Variants in MORN1 observed in about 807,000 individuals in gnomAD.
MORN1 encodes MORN repeat-containing protein 1.
A neutral mutation model predicts 61.9 loss-of-function variants in MORN1; 67 were observed. That is an observed-to-expected ratio of 1.08 (90% CI 0.89 to 1.33). The LOEUF (loss-of-function observed/expected upper bound fraction) is 1.33. Ranked by LOEUF, MORN1 falls within the 40% of genes most tolerant of loss-of-function variation. The probability of loss-of-function intolerance (pLI) is 0.00; values close to 1 mark genes in which losing one functional copy is unlikely to be tolerated. For missense variants in MORN1, 752 were observed against 691.2 expected (o/e 1.09, Z -0.99); for synonymous variants, 301 against 292.0 (o/e 1.03, Z -0.31).
At chr1:2,379,049 G>A (rs940515138) in intron 6 of MORN1, 1 of 471,086 alleles carries the variant, frequency 2.1e-6, no homozygotes, top group South Asian at 1.5e-5. Flanking sequence ...GTTCTTCATA[G>A]AGCTTTGCAT....
At chr1:2,390,460 C>T (rs963754621) in intron 1 of MORN1, 2 of 985,320 alleles carry the variant, frequency 2.0e-6, no homozygotes, top group African/African-American at 3.5e-5. Context: ...AATCCACACT[C>T]ATACCCAAGG....
Position 2,372,557 on chromosome 1 carries a change from C to T in MORN1, c.669G>A (p.Glu223=), listed in dbSNP as rs868257234. The change falls in exon 8 of 14, where the codon GAG becomes GAA. Residue 223 remains glutamate (E), a synonymous_variant. Coordinates refer to ENST00000378531, the MANE Select transcript of MORN1 (RefSeq NM_024848.3). This position sits in a 1 kb window ranked among gnomAD's most constrained non-coding sequence, Gnocchi z 5.4. ...QATRIVILGP[E]VMEVAQGSPF... ...GAGACCCTTGGGCCACTTCCATCAC[C>T]TCCGGACCCAAGATCACGATCCTCG... 1.2e-6 allele frequency: 2 copies of T among 1,613,802 alleles called. No individual in the cohort carries two copies. The highest frequency in any genetic ancestry group is 1.7e-6 in the Non-Finnish European group (2 of 1,179,948).
chr1:2,344,981 C>G (rs1641480154), intron 10 of MORN1, among the ~76,000 whole-genome samples: 1 of 152,152 alleles, frequency 6.6e-6, no homozygotes, highest in Admixed American at 6.5e-5. Flanking sequence ...GCCACACACA[C>G]CCTGAAAACG....
intron 6 of MORN1, among the ~76,000 whole-genome samples, chr1:2,382,432 C>G (rs1015807321): frequency 6.6e-6 from 1 of 152,192 alleles, no homozygotes; most frequent in African/African-American, 2.4e-5. Context: ...CGCCTGGCAC[C>G]CAGGAAGTGA....
chr1:2,364,886 T>C (rs1410821560), intron 8 of MORN1, among the ~76,000 whole-genome samples: 3 of 152,180 alleles, frequency 2.0e-5, no homozygotes, highest in Non-Finnish European at 2.9e-5. Flanking sequence ...CGCAGCGTTA[T>C]TTCTGAGGGC....
intron 6 of MORN1, among the ~76,000 whole-genome samples, chr1:2,380,967 G>A (rs1642358556): frequency 6.6e-6 from 1 of 152,230 alleles, no homozygotes; most frequent in Admixed American, 6.5e-5. Flanking sequence ...CCCGTCTCTG[G>A]CGGCTGCTGC....
intron 9 of MORN1, among the ~76,000 whole-genome samples, chr1:2,358,358 A>T (rs1191651146): frequency 6.6e-6 from 1 of 151,998 alleles, no homozygotes; most frequent in Non-Finnish European, 1.5e-5. Context: ...GCGCTGGGGG[A>T]GACTAGGGGC....
chr1:2,382,216 C>A (rs1301813571), intron 6 of MORN1, among the ~76,000 whole-genome samples: 3 of 152,208 alleles, frequency 2.0e-5, no homozygotes, highest in African/African-American at 7.2e-5. Flanking sequence ...GCAGGCGGCA[C>A]CTCTGTGTCC....
chr1:2,329,258 G>C (rs1329772877), intron 12 of MORN1, among the ~76,000 whole-genome samples: 4 of 152,216 alleles, frequency 2.6e-5, no homozygotes, highest in Admixed American at 2.0e-4. Flanking sequence ...AGGCCCAGCT[G>C]TTCCCGCCCG....
chr1:2,359,568 T>C (rs1641849031), intron 8 of MORN1, among the ~76,000 whole-genome samples: 1 of 152,142 alleles, frequency 6.6e-6, no homozygotes, highest in Non-Finnish European at 1.5e-5. Context: ...GCAAGATGGC[T>C]GTGCCGAGAG....
intron 10 of MORN1, chr1:2,351,689 C>T: frequency 2.3e-6 from 1 of 439,924 alleles, no homozygotes; most frequent in Non-Finnish European, 4.5e-6. Context: ...GTGCTGGTTG[C>T]TTCGCATTCT....
intron 9 of MORN1, among the ~76,000 whole-genome samples, chr1:2,358,106 G>C (rs1217141000): frequency 2.0e-5 from 3 of 152,194 alleles, no homozygotes; most frequent in African/African-American, 7.2e-5. Context: ...TCAGGCCTCT[G>C]TTTGCGTGTG....
chr1:2,332,479 T>C (rs1641178352), intron 12 of MORN1: 3 of 384,886 alleles, frequency 7.8e-6, no homozygotes, highest in Non-Finnish European at 1.0e-5. Context: ...CTTCTCCCAT[T>C]GTCCCCCTCG....
At chr1:2,389,003 T>C (rs952052936) in intron 2 of MORN1, among the ~76,000 whole-genome samples, 8 of 150,142 alleles carry the variant, frequency 5.3e-5, no homozygotes, top group Admixed American at 6.7e-5. Context: ...TCCCAGCTAC[T>C]CATGAGGCTG....
chr1:2,330,034 A>G (rs1000858755), intron 12 of MORN1, among the ~76,000 whole-genome samples: 4 of 152,086 alleles, frequency 2.6e-5, no homozygotes, highest in Non-Finnish European at 5.9e-5. Context: ...GGAACTGCCT[A>G]TTTGCCCATC....
chr1:2,325,157 CTCCCTTCCTTCCT>C (rs1640990356), intron 12 of MORN1, among the ~76,000 whole-genome samples: 4 of 81,528 alleles, frequency 4.9e-5, no homozygotes, highest in South Asian at 3.6e-4. Context: ...CCTTCCTTCC[CTCCCTTCCTTCCT>C]TTCCTTCCTT....
intron 12 of MORN1, among the ~76,000 whole-genome samples, chr1:2,330,768 C>T (rs565320629): frequency 7.0e-4 from 106 of 152,246 alleles, no homozygotes; most frequent in African/African-American, 2.5e-3. Flanking sequence ...GACCCCGTCC[C>T]GGGCTGATGG....
intron 12 of MORN1, among the ~76,000 whole-genome samples, chr1:2,335,847 G>GCCCAGCCCAGCCCAGCCCAGCC (rs1557870549): frequency 2.2e-5 from 3 of 134,828 alleles, no homozygotes; most frequent in African/African-American, 1.2e-4. Flanking sequence ...CCAGCCCAGC[G>GCCCAGCCCAGCCCAGCCCAGCC]CGCAGCTGCC....
At chr1:2,355,389 T>A in intron 10 of MORN1, 1 of 1,548,638 alleles carries the variant, frequency 6.5e-7, no homozygotes, top group Non-Finnish European at 8.7e-7. Context: ...ATATGATGAA[T>A]GACGCCTGCG....
Sources: gnomAD v4.1 joint callset for allele counts (sites outside exome capture counted in the v4.1 genomes callset) on GRCh38, gnomAD v4.1.1 for gene constraint, Gnocchi (gnomAD v3.1) non-coding constraint, MANE v1.5 for transcripts, NCBI Gene and HGNC (gene_info 2026-07-23, HGNC 2026-07-21) for gene names.